Variants in TYR observed in about 807,000 individuals in gnomAD.
TYR encodes LB24-AB.
Under a neutral mutation model 51.5 loss-of-function variants are expected in TYR, and 58 were observed. That is an observed-to-expected ratio of 1.13 (90% confidence interval 0.91 to 1.40). The LOEUF is 1.40. Ranked by LOEUF, TYR falls within the 40% of genes most tolerant of loss-of-function variation. TYR has a pLI of 0.00. For missense variants in TYR, 732 were observed against 647.4 expected (o/e 1.13, Z -1.42); for synonymous variants, 263 against 235.2 (o/e 1.12, Z -1.08).
intron 3 of TYR, among the ~76,000 whole-genome samples, chr11:89,276,409 G>A (rs1944655146): frequency 6.6e-6 from 1 of 151,768 alleles, no homozygotes; most frequent in South Asian, 2.1e-4. Context: ...CCTAGATAGG[G>A]AACACTAAAG....
intron 3 of TYR, among the ~76,000 whole-genome samples, chr11:89,279,493 T>G (rs1054957045): frequency 6.6e-6 from 1 of 151,700 alleles, no homozygotes; most frequent in African/African-American, 2.4e-5. Context: ...TTGTCCAAAT[T>G]TCTGCAACAC....
chr11:89,187,567 A>C (rs1356710097), intron 1 of TYR, among the ~76,000 whole-genome samples: 2 of 152,110 alleles, frequency 1.3e-5, no homozygotes, highest in African/African-American at 4.8e-5. Context: ...TAGCCAGGAA[A>C]TGGAATTTTC....
intron 2 of TYR, among the ~76,000 whole-genome samples, chr11:89,221,568 G>T (rs775332141): frequency 1.8e-4 from 28 of 152,128 alleles, no homozygotes; most frequent in Non-Finnish European, 3.2e-4. Context: ...TAAATTACAA[G>T]CCTTTTCAAA....
chr11:89,267,893 T>C (rs768009570), intron 3 of TYR, among the ~76,000 whole-genome samples: 1 of 151,968 alleles, frequency 6.6e-6, no homozygotes, highest in Non-Finnish European at 1.5e-5. Flanking sequence ...GACTCAGGTT[T>C]GATTCCTACT....
chr11:89,212,759 C>T (rs1456254653), intron 2 of TYR, among the ~76,000 whole-genome samples: 1 of 152,168 alleles, frequency 6.6e-6, no homozygotes, highest in Non-Finnish European at 1.5e-5. Flanking sequence ...TTGGCTTCAT[C>T]CCCGGGATGC....
chr11:89,197,568 T>C (rs1166027097), intron 2 of TYR, among the ~76,000 whole-genome samples: 1 of 152,194 alleles, frequency 6.6e-6, no homozygotes, highest in African/African-American at 2.4e-5. Context: ...AAGGAATTGA[T>C]ATTATCCTAC....
intron 3 of TYR, among the ~76,000 whole-genome samples, chr11:89,275,755 G>C (rs1056807402): frequency 6.6e-6 from 1 of 151,898 alleles, no homozygotes; most frequent in East Asian, 2.0e-4. Flanking sequence ...TACAGAAACA[G>C]TCAGATTGGT....
intron 3 of TYR, among the ~76,000 whole-genome samples, chr11:89,275,151 T>G (rs959893846): frequency 6.6e-5 from 10 of 151,888 alleles, no homozygotes; most frequent in Non-Finnish European, 1.5e-4. Context: ...ACTACTGTTA[T>G]TAGTGTTTCA....
chr11:89,241,746 TTAATA>T (rs1352117863), intron 3 of TYR, among the ~76,000 whole-genome samples: 2 of 147,936 alleles, frequency 1.4e-5, no homozygotes, highest in Admixed American at 6.8e-5. Flanking sequence ...ATTTAATATA[TTAATA>T]TATTTTATAT....
intron 2 of TYR, among the ~76,000 whole-genome samples, chr11:89,226,584 G>A (rs567581939): frequency 1.8e-4 from 27 of 152,230 alleles, no homozygotes; most frequent in African/African-American, 7.2e-5. Flanking sequence ...ATCACTACCC[G>A]AAGGGGCAGA....
At chr11:89,252,761 G>A (rs1565413454) in intron 3 of TYR, among the ~76,000 whole-genome samples, 1 of 151,720 alleles carries the variant, frequency 6.6e-6, no homozygotes, top group East Asian at 1.9e-4. Flanking sequence ...GACTGTACAG[G>A]AGAATAAGAT....
rs566716818 is a variant in TYR at position 89,257,709 on chromosome 11, A to AT, written c.1185-27056dup. On this transcript the variant is annotated intron_variant, in intron 3 of 4. Coordinates refer to ENST00000263321, the MANE Select transcript of TYR (RefSeq NM_000372.5). ...GCTGCAGACCTCATTTTATTTATGT[A>AT]TTTTTTTTACTACCCATTAAATGTT... Among the ~76,000 whole-genome samples the AT allele has an allele frequency of 6.0e-4, 91 of 151,992 alleles. 1 individual carries two copies. Among genetic ancestry groups the AT allele is most frequent in the African/African-American group, 1.8e-3 (74 of 41,488 alleles).
At chr11:89,183,163 A>G (rs1054797488) in intron 1 of TYR, among the ~76,000 whole-genome samples, 2 of 152,090 alleles carry the variant, frequency 1.3e-5, no homozygotes, top group Non-Finnish European at 2.9e-5. Flanking sequence ...CTGGCAGTTT[A>G]TTGCTATTTC....
chr11:89,289,298 T>A (rs1443152870), intron 4 of TYR, among the ~76,000 whole-genome samples: 1 of 152,046 alleles, frequency 6.6e-6, no homozygotes, highest in Non-Finnish European at 1.5e-5. Flanking sequence ...GCCAATGGAA[T>A]TTGATGACAC....
Position 89,204,561 on chromosome 11 carries a change from A to AT in TYR, c.1036+13151dup, listed in dbSNP as rs577378430. Among the ~76,000 whole-genome samples the AT allele has an allele frequency of 3.9e-4, 59 of 151,696 alleles. No homozygotes were observed. The East Asian group carries it at 5.3e-3, about 14-fold the overall frequency. On this transcript the variant is annotated intron_variant, in intron 2 of 4. Coordinates refer to ENST00000263321, the MANE Select transcript of TYR (RefSeq NM_000372.5). ...AGGTGCCCACCAACAAGCCCGGCTAATTTTTTTTATATTTTTAGTAGAGAC... is the reference window on the plus strand; with the variant it reads ...AGGTGCCCACCAACAAGCCCGGCTAATTTTTTTTTATATTTTTAGTAGAGAC...
At chr11:89,284,745 T>G in intron 3 of TYR, 28 bp from the exon 4 acceptor site, 1 of 1,606,494 alleles carries the variant, frequency 6.2e-7, no homozygotes, top group Non-Finnish European at 8.5e-7. Context: ...AATATGTTTC[T>G]TAGTCTGAAT....
chr11:89,237,707 T>C (rs538403427), intron 3 of TYR, among the ~76,000 whole-genome samples: 4 of 152,340 alleles, frequency 2.6e-5, no homozygotes, highest in Admixed American at 2.0e-4. Flanking sequence ...TTTAGAATTG[T>C]TTCATTTCTG....
intron 2 of TYR, chr11:89,200,205 A>C (rs1050117360): frequency 1.3e-5 from 2 of 152,180 alleles, no homozygotes; most frequent in East Asian, 1.9e-4. Context: ...TCTCCCGAGT[A>C]TCTGGGACTA....
At position 89,293,502 on chromosome 11, in the gene TYR, A is replaced by G. The variant is rs34899701; in HGVS notation, c.1367-1641A>G. On this transcript the variant is annotated intron_variant, in intron 4 of 4. Coordinates refer to ENST00000263321, the MANE Select transcript of TYR (RefSeq NM_000372.5). Reference sequence around the variant, plus strand: ...CATCATTTTATGAATACGTTCATAGAAGAATAAGATATCAAATGTTCTTTT... The same window carrying G: ...CATCATTTTATGAATACGTTCATAGGAGAATAAGATATCAAATGTTCTTTT... 8.4e-3 allele frequency among the ~76,000 whole-genome samples: 1,280 copies of G among 152,244 alleles called. 12 individuals are homozygous for G. The highest frequency in any genetic ancestry group is 0.027 in the Middle Eastern group (8 of 292).
Sources: allele counts gnomAD v4.1 joint callset (sites outside exome capture counted in the v4.1 genomes callset), GRCh38; gene constraint gnomAD v4.1.1; transcripts MANE v1.5; gene names NCBI Gene and HGNC (gene_info 2026-07-23, HGNC 2026-07-21).